PTPRK: variants seen among roughly 807,000 people sequenced by gnomAD.
PTPRK encodes the protein protein tyrosine phosphatase receptor type K, also known as receptor-type tyrosine-protein phosphatase kappa.
Under a neutral mutation model 178.0 loss-of-function variants are expected in PTPRK, and 75 were observed. That is an observed-to-expected ratio of 0.42 (90% confidence interval 0.35 to 0.51). The LOEUF (loss-of-function observed/expected upper bound fraction) is 0.51, where lower values mean the gene tolerates loss of function less well. PTPRK is among the 20% of genes least tolerant of loss of function. The pLI, the probability that PTPRK is intolerant of heterozygous loss-of-function variation, is 0.02. For synonymous variants in PTPRK, 637 were observed against 620.6 expected (o/e 1.03, Z -0.39); for missense variants, 1,441 against 1,797.8 (o/e 0.80, Z 3.59).
chr6:128,052,687 C>T (rs769545926), intron 13 of PTPRK, among the ~76,000 whole-genome samples: 1 of 152,196 alleles, frequency 6.6e-6, no homozygotes, highest in African/African-American at 2.4e-5. Flanking sequence ...CTGCTAGGCT[C>T]TTCCAATGTG....
chr6:128,456,495 T>C (rs1848414679), intron 1 of PTPRK, among the ~76,000 whole-genome samples: 1 of 151,980 alleles, frequency 6.6e-6, no homozygotes, highest in South Asian at 2.1e-4. Context: ...CTAGATACTC[T>C]TTAATGCAGC....
At chr6:128,192,317 G>A (rs979232249) in intron 6 of PTPRK, among the ~76,000 whole-genome samples, 2 of 152,112 alleles carry the variant, frequency 1.3e-5, no homozygotes, top group Non-Finnish European at 2.9e-5. Flanking sequence ...GTTAATAGCA[G>A]TGACCAGGGA....
chr6:128,285,954 G>A (rs1175653702), intron 3 of PTPRK, among the ~76,000 whole-genome samples: 2 of 151,986 alleles, frequency 1.3e-5, no homozygotes, highest in South Asian at 2.1e-4. Flanking sequence ...TGCCTTGTTC[G>A]AACCGTGATC....
At chr6:128,196,342 A>G (rs1804856451) in intron 6 of PTPRK, among the ~76,000 whole-genome samples, 1 of 152,136 alleles carries the variant, frequency 6.6e-6, no homozygotes, top group Non-Finnish European at 1.5e-5. Flanking sequence ...TTTTATAAAT[A>G]GATGGAAGCT....
At chr6:127,993,507 T>A (rs907713946) in intron 18 of PTPRK, among the ~76,000 whole-genome samples, 2 of 151,682 alleles carry the variant, frequency 1.3e-5, no homozygotes, top group African/African-American at 4.8e-5. Flanking sequence ...TATTTACCAA[T>A]GAGCCTTAGT....
chr6:128,257,035 A>G (rs978850423), intron 3 of PTPRK, among the ~76,000 whole-genome samples: 2 of 151,858 alleles, frequency 1.3e-5, no homozygotes, highest in Non-Finnish European at 2.9e-5. Flanking sequence ...GTTCGAGACC[A>G]GACTGACCAA....
At chr6:128,218,334 C>T (rs888253478) in intron 6 of PTPRK, among the ~76,000 whole-genome samples, 2 of 152,182 alleles carry the variant, frequency 1.3e-5, no homozygotes, top group Non-Finnish European at 2.9e-5. Context: ...TGCACTTGTA[C>T]TTTTCCAGTA....
chr6:128,133,504 G>T (rs76807965), intron 7 of PTPRK, among the ~76,000 whole-genome samples: 7,378 of 152,130 alleles, frequency 0.048, 603 homozygotes, highest in African/African-American at 0.17. Flanking sequence ...AAGTTTACAT[G>T]TTAATCATTT....
rs910306950 is a variant in PTPRK at position 128,274,800 on chromosome 6, T to C, written c.496-32198A>G. 6.6e-5 allele frequency among the ~76,000 whole-genome samples: 10 copies of C among 152,128 alleles called. No individual in the cohort carries two copies. The East Asian group carries it at 1.2e-3, about 18-fold the overall frequency. On this transcript the variant is annotated intron_variant, in intron 3 of 29. Transcript: ENST00000368226. ...AAGTCTGGCTAAAATTAATGTCTGTTTGAACCATTTTAGATTATCAAGAAA... is the reference window on the plus strand; with the variant it reads ...AAGTCTGGCTAAAATTAATGTCTGTCTGAACCATTTTAGATTATCAAGAAA...
intron 7 of PTPRK, among the ~76,000 whole-genome samples, chr6:128,165,118 T>C (rs1406226715): frequency 6.6e-6 from 1 of 151,134 alleles, no homozygotes; most frequent in Non-Finnish European, 1.5e-5. Flanking sequence ...CCTAAGACTT[T>C]GGCCTACCGC....
chr6:128,502,361 G>C (rs968568382), intron 1 of PTPRK, among the ~76,000 whole-genome samples: 11 of 152,248 alleles, frequency 7.2e-5, no homozygotes, highest in Admixed American at 1.3e-4. Flanking sequence ...GCTCCACAGT[G>C]GATGCACCAA....
intron 1 of PTPRK, among the ~76,000 whole-genome samples, chr6:128,515,745 GA>G (rs1857909438): frequency 6.6e-6 from 1 of 152,028 alleles, no homozygotes; most frequent in Non-Finnish European, 1.5e-5. Context: ...TTGTCTTTAA[GA>G]ACAATCTGTA....
intron 13 of PTPRK, among the ~76,000 whole-genome samples, chr6:128,009,536 C>T (rs575325459): frequency 6.6e-6 from 1 of 151,078 alleles, no homozygotes; most frequent in Non-Finnish European, 1.5e-5. Context: ...ACTAGTTTTC[C>T]CCAAGTGTCC....
At chr6:128,434,867 G>GA (rs542611041) in intron 1 of PTPRK, among the ~76,000 whole-genome samples, 37 of 147,468 alleles carry the variant, frequency 2.5e-4, no homozygotes, top group African/African-American at 6.7e-4. Flanking sequence ...AAAAAAATAA[G>GA]AAAAAAAAAA....
intron 13 of PTPRK, among the ~76,000 whole-genome samples, chr6:128,014,226 G>A (rs776844219): frequency 1.3e-5 from 2 of 151,596 alleles, no homozygotes; most frequent in Non-Finnish European, 3.0e-5. Flanking sequence ...ACATTTCTGA[G>A]TTGTCTCTGG....
At chr6:127,980,983 G>C in intron 25 of PTPRK, 133 bp downstream of exon 25, 1 of 835,758 alleles carries the variant, frequency 1.2e-6, no homozygotes, top group Non-Finnish European at 1.7e-6. Context: ...CCAAAAAAAT[G>C]TGTTTCAATA....
intron 7 of PTPRK, among the ~76,000 whole-genome samples, chr6:128,127,672 C>T (rs1024507502): frequency 2.0e-5 from 3 of 152,244 alleles, no homozygotes; most frequent in South Asian, 4.1e-4. Flanking sequence ...GCCTTTTAGA[C>T]GCAGCATGCA....
chr6:128,416,625 G>A (rs1178868895), intron 1 of PTPRK, among the ~76,000 whole-genome samples: 1 of 149,820 alleles, frequency 6.7e-6, no homozygotes, highest in Admixed American at 6.7e-5. Context: ...TCCAGCTTGG[G>A]TGAAAGAGCC....
intron 3 of PTPRK, among the ~76,000 whole-genome samples, chr6:128,253,758 T>G (rs943568335): frequency 1.9e-4 from 29 of 152,364 alleles, no homozygotes; most frequent in African/African-American, 7.0e-4. Flanking sequence ...AGCTTTAATT[T>G]ATGCTTATGA....
Sources: gnomAD v4.1 joint callset for allele counts (sites outside exome capture counted in the v4.1 genomes callset) on GRCh38, gnomAD v4.1.1 for gene constraint, MANE v1.5 for transcripts, NCBI Gene and HGNC (gene_info 2026-07-23, HGNC 2026-07-21) for gene names.